The following DCHS2 variants were observed in gnomAD, a reference collection of about 807,000 sequenced individuals.
The protein encoded by DCHS2 is dachsous cadherin-related 2.
Under a neutral mutation model 182.4 loss-of-function variants are expected in DCHS2, and 142 were observed. The ratio of observed to expected loss-of-function variants is 0.78; its 90% CI spans 0.68 to 0.89. The LOEUF (loss-of-function observed/expected upper bound fraction) is 0.89, where lower values mean the gene tolerates loss of function less well. DCHS2 is among the 40% of genes least tolerant of loss of function. The probability of loss-of-function intolerance (pLI) is 0.00; values close to 1 mark genes in which losing one functional copy is unlikely to be tolerated. For missense variants in DCHS2, 4,319 were observed against 4,198.6 expected (o/e 1.03, Z -0.79); for synonymous variants, 1,740 against 1,663.3 (o/e 1.05, Z -1.12).
intron 16 of DCHS2, among the ~76,000 whole-genome samples, chr4:154,249,808 G>T (rs963723984): frequency 6.6e-6 from 1 of 151,540 alleles, no homozygotes; most frequent in African/African-American, 2.4e-5. Flanking sequence ...AACCAAAATA[G>T]CTCATGTTCT....
At chr4:154,359,954 A>T (rs181524890) in intron 3 of DCHS2, among the ~76,000 whole-genome samples, 2 of 152,016 alleles carry the variant, frequency 1.3e-5, no homozygotes, top group Non-Finnish European at 2.9e-5. Context: ...AGTAGAACCT[A>T]TATTTATCTT....
chr4:154,315,727 G>T, intron 10 of DCHS2, 21 bp downstream of exon 10: 1 of 1,608,200 alleles, frequency 6.2e-7, no homozygotes, highest in Non-Finnish European at 8.5e-7. Context: ...TAAATACCCA[G>T]TTTCTGTATT....
chr4:154,428,516 G>A (rs1283929406), intron 1 of DCHS2, among the ~76,000 whole-genome samples: 6 of 152,224 alleles, frequency 3.9e-5, no homozygotes, highest in East Asian at 1.9e-4. Flanking sequence ...TCCAGCTTGG[G>A]TAACAAAGTG....
At chr4:154,444,531 C>T (rs1560762549) in intron 1 of DCHS2, among the ~76,000 whole-genome samples, 1 of 152,192 alleles carries the variant, frequency 6.6e-6, no homozygotes, top group Non-Finnish European at 1.5e-5. Flanking sequence ...ACTTCCACCT[C>T]CACTTCTACC....
At chr4:154,451,471 T>C (rs1734531956) in intron 1 of DCHS2, among the ~76,000 whole-genome samples, 1 of 152,174 alleles carries the variant, frequency 6.6e-6, no homozygotes, top group Admixed American at 6.6e-5. Flanking sequence ...AAAGTGGCAC[T>C]GAAGGTACAA....
At chr4:154,296,699 TAAGAAA>T (rs1362327900) in intron 13 of DCHS2, among the ~76,000 whole-genome samples, 2 of 152,130 alleles carry the variant, frequency 1.3e-5, no homozygotes, top group African/African-American at 4.8e-5. Context: ...CTTAAAAGAA[TAAGAAA>T]ATGTTAAAAG....
chr4:154,306,932 G>T (rs1735461166), intron 10 of DCHS2, among the ~76,000 whole-genome samples: 1 of 151,944 alleles, frequency 6.6e-6, no homozygotes. Context: ...TGACTTTTTA[G>T]AAACTTCCAG....
intron 3 of DCHS2, among the ~76,000 whole-genome samples, chr4:154,347,785 G>A (rs1359123920): frequency 6.6e-6 from 1 of 151,868 alleles, no homozygotes; most frequent in Non-Finnish European, 1.5e-5. Flanking sequence ...AAGTCCGCTG[G>A]AAGAGCTGAC....
intron 1 of DCHS2, among the ~76,000 whole-genome samples, chr4:154,438,386 T>C (rs1483544854): frequency 2.6e-5 from 4 of 152,218 alleles, no homozygotes; most frequent in African/African-American, 2.4e-5. Context: ...GATCTTCTTG[T>C]CTAATCATGA....
At chr4:154,354,785 G>A (rs1729781368) in intron 3 of DCHS2, 1 of 152,070 alleles carries the variant, frequency 6.6e-6, no homozygotes, top group Admixed American at 6.6e-5. Flanking sequence ...TCATCCAGTA[G>A]TCCATACTCT....
At chr4:154,384,598 T>C in intron 1 of DCHS2, 1 of 1,433,398 alleles carries the variant, frequency 7.0e-7, no homozygotes, top group South Asian at 1.3e-5. Flanking sequence ...CATGATTAAG[T>C]TGAGGATTTT....
intron 3 of DCHS2, among the ~76,000 whole-genome samples, chr4:154,364,905 A>G (rs1219292086): frequency 6.6e-6 from 1 of 152,178 alleles, no homozygotes; most frequent in Non-Finnish European, 1.5e-5. Flanking sequence ...CAAAAGAAAA[A>G]AATTCTTTTT....
intron 3 of DCHS2, among the ~76,000 whole-genome samples, chr4:154,364,008 C>T (rs9999255): frequency 0.015 from 2,285 of 152,210 alleles, 56 homozygotes; most frequent in African/African-American, 0.051. Context: ...TGATTAAGTG[C>T]GACCAAATTC....
chr4:154,348,299 C>A (rs1297358755), intron 3 of DCHS2, among the ~76,000 whole-genome samples: 2 of 152,098 alleles, frequency 1.3e-5, no homozygotes, highest in Non-Finnish European at 2.9e-5. Context: ...AAATAATTTA[C>A]TTAAAGCAAA....
chr4:154,263,538 C>A (rs925700187), intron 14 of DCHS2, among the ~76,000 whole-genome samples: 1 of 151,844 alleles, frequency 6.6e-6, no homozygotes. Flanking sequence ...TCTACCACAA[C>A]CTTTTATCTT....
rs1735034194 is a variant in DCHS2, at chr4:154,298,212, A to G, written c.6102T>C (p.Asn2034=). Residue 2034 remains asparagine (N), a synonymous_variant, in exon 13 of 20, where the codon AAT becomes AAC. Transcript: ENST00000357232. ...IKVYVTDVND[N]DPVLEQNPFD... is the part of the protein sequence containing the mutation. Reference sequence around the variant, plus strand: ...AAGGGTTCTGTTCCAAAACTGGATCATTGTCATTAACATCAGTGACATATA... The same window carrying G: ...AAGGGTTCTGTTCCAAAACTGGATCGTTGTCATTAACATCAGTGACATATA... The G allele has an allele frequency of 6.2e-7, 1 of 1,614,016 alleles. No homozygotes were observed. The highest frequency in any genetic ancestry group is 1.3e-5 in the African/African-American group (1 of 74,926).
At chr4:154,263,252 G>C (rs943159693) in intron 14 of DCHS2, among the ~76,000 whole-genome samples, 20 of 152,122 alleles carry the variant, frequency 1.3e-4, no homozygotes, top group Admixed American at 1.3e-3. Flanking sequence ...TAGCATAAAA[G>C]ATGCATTTAA....
intron 1 of DCHS2, among the ~76,000 whole-genome samples, chr4:154,428,087 T>A (rs1323609201): frequency 6.6e-6 from 1 of 152,010 alleles, no homozygotes; most frequent in Non-Finnish European, 1.5e-5. Flanking sequence ...AAGAGAGTCA[T>A]AGAACTGGAG....
chr4:154,366,420 A>T lies in DCHS2; in HGVS notation c.2266T>A (p.Phe756Ile). 1 of 1,613,468 alleles carries T rather than the reference A, an allele frequency of 6.2e-7. No individual in the cohort carries two copies. The highest frequency in any genetic ancestry group is 8.5e-7 in the Non-Finnish European group (1 of 1,179,736). The change falls in exon 3 of 20, where the codon TTT (phenylalanine) becomes ATT (isoleucine). Residue 756 changes from phenylalanine to isoleucine, a missense_variant. By Grantham distance (21) the Phe-to-Ile change is conservative. Coordinates refer to ENST00000357232, the MANE Select transcript of DCHS2 (RefSeq NM_001358235.2). ...KDGGGLSAQA[F>I]VRVDLEDVND... ...ACGTCCTCCAGGTCCACACGAACAA[A>T]GGCTTGGGCACTTAGCCCACCCTGG...
Sources: gnomAD v4.1 joint callset for allele counts (sites outside exome capture counted in the v4.1 genomes callset) on GRCh38, gnomAD v4.1.1 for gene constraint, MANE v1.5 for transcripts, NCBI Gene and HGNC (gene_info 2026-07-23, HGNC 2026-07-21) for gene names.